TTI1: variants seen among roughly 807,000 people sequenced by gnomAD.
The protein encoded by TTI1 is TELO2 interacting protein 1.
In TTI1, 52 loss-of-function variants were observed where a neutral mutation model predicts 85.4. The ratio of observed to expected loss-of-function variants is 0.61; its 90% CI spans 0.49 to 0.77. TTI1 has a LOEUF of 0.77. Ranked by LOEUF, TTI1 falls within the 30% of genes least tolerant of loss-of-function variation. The probability of loss-of-function intolerance (pLI) is 0.00; values close to 1 mark genes in which losing one functional copy is unlikely to be tolerated. For synonymous variants in TTI1, 512 were observed against 503.9 expected, an observed-to-expected ratio of 1.02 and a Z score of -0.22; for missense variants, 1,173 against 1,296.0, an observed-to-expected ratio of 0.91 and a Z score of 1.46.
chr20:37,989,490 A>G (rs1301123515), intron 7 of TTI1, among the ~76,000 whole-genome samples: 1 of 152,234 alleles, frequency 6.6e-6, no homozygotes, highest in African/African-American at 2.4e-5. Flanking sequence ...ATTCAAAAAT[A>G]AGCCAGAATC....
At position 38,003,699 on chromosome 20, in the gene TTI1, C is replaced by T. The variant is rs192716434; in HGVS notation, c.2504-923G>A. Among the ~76,000 whole-genome samples the T allele has an allele frequency of 1.4e-4, 21 of 151,312 alleles. No individual in the cohort carries two copies. In the East Asian group the frequency reaches 3.7e-3, roughly 27 times the overall value. ...CCCAGGAGGCAGAGGTTGCAATGAG[C>T]CGAGATCGTGCCATTGCACTCCAGC... On this transcript the variant is annotated intron_variant, in intron 3 of 7. Transcript: ENST00000373447.
chr20:38,019,682 A>G (rs1403004926), intron 1 of TTI1, among the ~76,000 whole-genome samples: 2 of 152,270 alleles, frequency 1.3e-5, no homozygotes, highest in African/African-American at 4.8e-5. Flanking sequence ...GTAAGATGGC[A>G]GACAGAAGTC....
At position 37,996,456 on chromosome 20, in the gene TTI1, C is replaced by T. The variant is rs1914324348; in HGVS notation, c.3005G>A (p.Gly1002Asp). 1 of 1,613,564 alleles carries T rather than the reference C, an allele frequency of 6.2e-7. No homozygotes were observed. Among genetic ancestry groups the T allele is most frequent in the African/African-American group, 1.3e-5 (1 of 74,886 alleles). The change falls in exon 7 of 8, where the codon GGT becomes GAT. Residue 1002 changes from glycine to aspartate, a missense_variant. Coordinates refer to ENST00000373447, the MANE Select transcript of TTI1 (RefSeq NM_001303457.2). Reference protein sequence around the residue: ...PLCERLDLGEGDLNKVADACL... With the variant: ...PLCERLDLGEDDLNKVADACL... ...GGCATCAGCCACTTTATTCAGGTCA[C>T]CCTCACCTGCAGAAAAGAAAAACAA...
intron 7 of TTI1, among the ~76,000 whole-genome samples, chr20:37,987,866 C>T (rs1353938729): frequency 6.6e-6 from 1 of 152,196 alleles, no homozygotes; most frequent in East Asian, 1.9e-4. Context: ...TAATAAACTC[C>T]AGATGCCAAA....
intron 4 of TTI1, among the ~76,000 whole-genome samples, 154 bp downstream of exon 4, chr20:38,002,474 C>A (rs768076029): frequency 6.6e-6 from 1 of 152,152 alleles, no homozygotes; most frequent in African/African-American, 2.4e-5. Flanking sequence ...AAACTGTCAC[C>A]CCACAGACAA....
chr20:38,016,477 C>T (rs1252943209), intron 1 of TTI1, among the ~76,000 whole-genome samples: 1 of 152,178 alleles, frequency 6.6e-6, no homozygotes, highest in Non-Finnish European at 1.5e-5. Context: ...GATTATATAA[C>T]AAAAACCGTA....
intron 7 of TTI1, among the ~76,000 whole-genome samples, 194 bp from the exon 8 acceptor site, chr20:37,983,833 G>A (rs1262163363): frequency 2.6e-5 from 4 of 152,208 alleles, no homozygotes; most frequent in African/African-American, 7.2e-5. Flanking sequence ...AAGCCCAACC[G>A]AAATACAGGT....
intron 1 of TTI1, among the ~76,000 whole-genome samples, chr20:38,032,666 C>G (rs1036242082): frequency 2.6e-5 from 4 of 152,190 alleles, no homozygotes; most frequent in African/African-American, 9.7e-5. Context: ...CTCACTGTAA[C>G]CTCTAACTCC....
At chr20:38,008,876 T>C (rs931745985) in intron 2 of TTI1, among the ~76,000 whole-genome samples, 70 of 152,218 alleles carry the variant, frequency 4.6e-4, no homozygotes, top group African/African-American at 1.7e-3. Flanking sequence ...AAAACTTTCA[T>C]AAAAGCTAGC....
chr20:38,030,224 G>GGGAGGGA (rs1391240400), intron 1 of TTI1, among the ~76,000 whole-genome samples: 1 of 150,448 alleles, frequency 6.6e-6, no homozygotes, highest in African/African-American at 2.4e-5. Context: ...AAGGAAGGGA[G>GGGAGGGA]GGAGGGAGGA....
intron 1 of TTI1, 189 bp from the exon 2 acceptor site, chr20:38,014,046 C>A: frequency 1.8e-6 from 1 of 569,360 alleles, no homozygotes; most frequent in South Asian, 2.3e-5. Context: ...AATAAAGTCT[C>A]TTCAGGATTA....
At chr20:37,991,398 A>T (rs1454379637) in intron 7 of TTI1, among the ~76,000 whole-genome samples, 1 of 152,196 alleles carries the variant, frequency 6.6e-6, no homozygotes, top group African/African-American at 2.4e-5. Context: ...ATGTGTGGGT[A>T]AAGAGAGGAG....
chr20:38,012,899 C>T lies in TTI1; in HGVS notation c.918G>A (p.Val306=), dbSNP rs948067581. ...CCACAAGTTCTACCAGTTCCAGTCTCACCTTCCAGTGTGGGTGAACAGAAA... is the reference window on the plus strand; with the variant it reads ...CCACAAGTTCTACCAGTTCCAGTCTTACCTTCCAGTGTGGGTGAACAGAAA... ...ECVSVHPHWK[V]RLELVELVED... The change falls in exon 2 of 8, where the codon GTG becomes GTA. Residue 306 remains valine, a synonymous_variant. Coordinates refer to ENST00000373447, the MANE Select transcript of TTI1 (RefSeq NM_001303457.2). The T allele has an allele frequency of 2.5e-6, 4 of 1,614,186 alleles. No individual in the cohort carries two copies. Among genetic ancestry groups the T allele is most frequent in the Non-Finnish European group, 3.4e-6 (4 of 1,180,050 alleles).
intron 1 of TTI1, among the ~76,000 whole-genome samples, chr20:38,025,439 C>T (rs557481832): frequency 5.9e-5 from 9 of 151,994 alleles, no homozygotes; most frequent in South Asian, 2.1e-4. Context: ...TATGGTGGCG[C>T]GTGCCTGTAA....
chr20:37,996,458 C>T lies in TTI1; in HGVS notation c.3003G>A (p.Glu1001=). ...CATCAGCCACTTTATTCAGGTCACC[C>T]TCACCTGCAGAAAAGAAAAACAAAA... ...GPLCERLDLG[E]GDLNKVADAC... is the part of the protein sequence containing the mutation. Residue 1001 remains glutamate, a synonymous_variant, in exon 7 of 8, where the codon GAG becomes GAA. Coordinates refer to ENST00000373447, the MANE Select transcript of TTI1 (RefSeq NM_001303457.2). 2 of 1,613,618 alleles carry T rather than the reference C, an allele frequency of 1.2e-6. No individual in the cohort carries two copies. Among genetic ancestry groups the T allele is most frequent in the Non-Finnish European group, 1.7e-6 (2 of 1,179,986 alleles).
intron 7 of TTI1, among the ~76,000 whole-genome samples, chr20:37,984,004 G>A (rs2073157677): frequency 6.6e-6 from 1 of 152,220 alleles, no homozygotes; most frequent in Non-Finnish European, 1.5e-5. Context: ...CTTTCTTAAA[G>A]GCTTTGCTCA....
intron 7 of TTI1, among the ~76,000 whole-genome samples, chr20:37,984,221 A>G (rs1600594472): frequency 2.0e-5 from 3 of 152,296 alleles, no homozygotes; most frequent in South Asian, 4.1e-4. Context: ...CCCCACAGGG[A>G]TCAGATCCAC....
Position 38,012,307 on chromosome 20 carries a change from G to A in TTI1, c.1510C>T (p.Leu504Phe). The stretch of plus-strand genomic sequence containing the variant: ...TAAAGTTCCATAAAGTGATCCACAA[G>A]CAAATAAAGATTCCCATAATAACCA... ...LLGYYGNLYL[L>F]VDHFMELYHQ... Residue 504 changes from leucine to phenylalanine, a missense_variant, in exon 2 of 8, where the codon CTT becomes TTT. By Grantham distance (22) the Leu-to-Phe change is conservative (BLOSUM62 0). Coordinates refer to ENST00000373447, the MANE Select transcript of TTI1 (RefSeq NM_001303457.2). 1 of 1,614,180 alleles carries A rather than the reference G, an allele frequency of 6.2e-7. No homozygotes were observed. Among genetic ancestry groups the A allele is most frequent in the Non-Finnish European group, 8.5e-7 (1 of 1,180,036 alleles).
intron 1 of TTI1, among the ~76,000 whole-genome samples, chr20:38,019,791 G>C (rs916160510): frequency 1.3e-5 from 2 of 152,228 alleles, no homozygotes; most frequent in Non-Finnish European, 2.9e-5. Context: ...GTGGAGGGCT[G>C]TCTTGTGCAT....
Sources: gnomAD v4.1 joint callset for allele counts (sites outside exome capture counted in the v4.1 genomes callset) on GRCh38, gnomAD v4.1.1 for gene constraint, MANE v1.5 for transcripts, NCBI Gene and HGNC (gene_info 2026-07-23, HGNC 2026-07-21) for gene names.